ARHGAP6: variants seen among roughly 807,000 people sequenced by gnomAD.
ARHGAP6 encodes Rho GTPase activating protein 6, also known as rho GTPase-activating protein 6.
A neutral mutation model predicts 55.7 loss-of-function variants in ARHGAP6; 16 were observed. That is an observed-to-expected ratio of 0.29 (90% CI 0.19 to 0.44). The LOEUF is 0.44. Among genes scored for constraint, ARHGAP6 ranks in the 20% least tolerant of loss-of-function variants. The pLI, the probability that ARHGAP6 is intolerant of heterozygous loss-of-function variation, is 1.00. For synonymous variants in ARHGAP6, 382 were observed against 360.9 expected (o/e 1.06, Z -0.66); for missense variants, 698 against 808.9 (o/e 0.86, Z 1.66).
Position 11,179,411 on chromosome X carries a change from C to T in ARHGAP6, c.1371G>A (p.Glu457=). ...EFDRGIDVSL[E]EEHSVHDVAA... ...CCACATCATGAACACTGTGCTCCTC[C>T]TCCAGAGAGACATCAATCCCACGGT... Residue 457 remains glutamate (E), a synonymous_variant, in exon 7 of 13, where the codon GAG becomes GAA. Transcript: ENST00000337414. 1 of 1,210,054 alleles carries T rather than the reference C, an allele frequency of 8.3e-7. No individual in the cohort carries two copies. Among genetic ancestry groups the T allele is most frequent in the Non-Finnish European group, 1.1e-6 (1 of 894,921 alleles).
chrX:11,579,737 T>A (rs1313014288), intron 1 of ARHGAP6, among the ~76,000 whole-genome samples: 1 of 112,321 alleles, frequency 8.9e-6, no homozygotes, highest in Non-Finnish European at 1.9e-5. Flanking sequence ...TCTTTATAGC[T>A]TGTGGGTTTA....
chrX:11,299,594 T>C (rs2048143223), intron 1 of ARHGAP6, among the ~76,000 whole-genome samples: 1 of 112,379 alleles, frequency 8.9e-6, no homozygotes, highest in African/African-American at 3.2e-5. Flanking sequence ...GCACTAAATC[T>C]TCCATTACAG....
At chrX:11,348,021 C>T (rs2048810393) in intron 1 of ARHGAP6, among the ~76,000 whole-genome samples, 1 of 111,980 alleles carries the variant, frequency 8.9e-6, no homozygotes, top group Admixed American at 9.4e-5. Context: ...AAACTTTCCC[C>T]ATACAATTTG....
At chrX:11,490,098 A>G (rs2050552614) in intron 1 of ARHGAP6, among the ~76,000 whole-genome samples, 1 of 111,599 alleles carries the variant, frequency 9.0e-6, no homozygotes, top group Admixed American at 9.5e-5. Context: ...TCACACCCTT[A>G]TACAATCCCT....
rs1327263758 is a variant in ARHGAP6 at position 11,294,658 on chromosome X, A to G, written c.589-39951T>C. The G allele has an allele frequency of 5.1e-6, 4 of 780,914 alleles. No homozygotes were observed. The African/African-American group carries it at 8.2e-5, about 16-fold the overall frequency. The allele number at this position is 780,914 out of a possible 1,213,427, so 64.4% of individuals were successfully genotyped here. ...ATATGACTGAAGTAAATTCACAAACAATGGCTCCATCCTTCTTACTAGCAA... is the reference window on the plus strand; with the variant it reads ...ATATGACTGAAGTAAATTCACAAACGATGGCTCCATCCTTCTTACTAGCAA... On this transcript the variant is annotated intron_variant, in intron 1 of 12. Transcript: ENST00000337414.
intron 2 of ARHGAP6, among the ~76,000 whole-genome samples, chrX:11,203,450 G>C (rs1490634316): frequency 9.0e-6 from 1 of 111,555 alleles, no homozygotes; most frequent in Non-Finnish European, 1.9e-5. Context: ...CCGGCACAGA[G>C]GAAATCCAGT....
intron 1 of ARHGAP6, among the ~76,000 whole-genome samples, chrX:11,395,396 G>A (rs940159740): frequency 8.9e-6 from 1 of 112,309 alleles, no homozygotes; most frequent in African/African-American, 3.2e-5. Flanking sequence ...AAAAAGGAAG[G>A]ACTCAATGGG....
chrX:11,214,672 G>T (rs1208916099), intron 2 of ARHGAP6, among the ~76,000 whole-genome samples: 4 of 113,457 alleles, frequency 3.5e-5, no homozygotes, highest in Non-Finnish European at 7.5e-5. Flanking sequence ...TGGTCCCTGA[G>T]GGGGAGGGCA....
chrX:11,368,199 A>G (rs888798021), intron 1 of ARHGAP6, among the ~76,000 whole-genome samples: 1 of 112,610 alleles, frequency 8.9e-6, no homozygotes, highest in Admixed American at 9.4e-5. Flanking sequence ...TTGTTTATCT[A>G]AACGGATGCA....
chrX:11,648,704 C>T (rs2052554732), intron 1 of ARHGAP6, among the ~76,000 whole-genome samples: 1 of 112,071 alleles, frequency 8.9e-6, no homozygotes. Context: ...CTGAAATTCA[C>T]ACCTAATAAA....
intron 1 of ARHGAP6, among the ~76,000 whole-genome samples, chrX:11,547,456 T>C (rs1417705303): frequency 1.8e-5 from 2 of 111,241 alleles, no homozygotes; most frequent in African/African-American, 6.5e-5. Flanking sequence ...AATACGATAA[T>C]AGAGTATTTC....
intron 1 of ARHGAP6, among the ~76,000 whole-genome samples, chrX:11,502,753 G>A (rs1603234031): frequency 9.0e-6 from 1 of 111,479 alleles, no homozygotes; most frequent in African/African-American, 3.3e-5. Flanking sequence ...TACTTTATTG[G>A]AAGAATACAG....
intron 1 of ARHGAP6, among the ~76,000 whole-genome samples, chrX:11,461,485 T>C (rs760501968): frequency 8.9e-6 from 1 of 111,752 alleles, no homozygotes; most frequent in South Asian, 3.8e-4. Flanking sequence ...CTATCTGTGT[T>C]TGTCACTTCT....
chrX:11,623,049 G>C (rs2052248940), intron 1 of ARHGAP6, among the ~76,000 whole-genome samples: 1 of 111,637 alleles, frequency 9.0e-6, no homozygotes, highest in Non-Finnish European at 1.9e-5. Context: ...CATAGTGCTG[G>C]ATGTCATAGC....
intron 1 of ARHGAP6, among the ~76,000 whole-genome samples, chrX:11,549,979 T>C (rs1473697150): frequency 1.8e-5 from 2 of 112,078 alleles, no homozygotes; most frequent in Non-Finnish European, 3.8e-5. Flanking sequence ...AAATTACATT[T>C]TATTATCTAC....
At chrX:11,624,197 A>G (rs2052266970) in intron 1 of ARHGAP6, among the ~76,000 whole-genome samples, 1 of 112,414 alleles carries the variant, frequency 8.9e-6, no homozygotes. Flanking sequence ...CTAGACCCCT[A>G]TCTCTCATCA....
chrX:11,477,843 C>T (rs957620802), intron 1 of ARHGAP6, among the ~76,000 whole-genome samples: 4 of 111,528 alleles, frequency 3.6e-5, no homozygotes, highest in African/African-American at 1.3e-4. Context: ...TGCCTGCTAC[C>T]AGGCACTGAC....
At chrX:11,204,352 T>C (rs997020615) in intron 2 of ARHGAP6, among the ~76,000 whole-genome samples, 3 of 111,987 alleles carry the variant, frequency 2.7e-5, no homozygotes, top group Admixed American at 9.5e-5. Flanking sequence ...TGGCTCTGCC[T>C]CTGACTGGCT....
At chrX:11,603,670 A>C (rs1412570792) in intron 1 of ARHGAP6, among the ~76,000 whole-genome samples, 1 of 112,148 alleles carries the variant, frequency 8.9e-6, no homozygotes, top group East Asian at 2.8e-4. Flanking sequence ...ATTATATGTT[A>C]GAATACAATT....
Sources: allele counts gnomAD v4.1 joint callset (sites outside exome capture counted in the v4.1 genomes callset), GRCh38; gene constraint gnomAD v4.1.1; transcripts MANE v1.5; gene names NCBI Gene and HGNC (gene_info 2026-07-23, HGNC 2026-07-21).